ZNF804B: variants seen among roughly 807,000 people sequenced by gnomAD.
ZNF804B encodes zinc finger 804B.
In ZNF804B, 80 loss-of-function variants were observed where a neutral mutation model predicts 101.4. That is an observed-to-expected ratio of 0.79 (90% confidence interval 0.66 to 0.95). The LOEUF (loss-of-function observed/expected upper bound fraction) is 0.95. Among genes scored for constraint, ZNF804B ranks in the 40% least tolerant of loss-of-function variants. The pLI is 0.00. For synonymous variants in ZNF804B, 622 were observed against 558.8 expected (o/e 1.11, Z -1.59); for missense variants, 1,673 against 1,561.9 (o/e 1.07, Z -1.20).
intron 1 of ZNF804B, among the ~76,000 whole-genome samples, chr7:89,046,504 T>A (rs1789109209): frequency 6.6e-6 from 1 of 152,150 alleles, no homozygotes; most frequent in Non-Finnish European, 1.5e-5. Context: ...TTTGATGGAC[T>A]AAATAAAGGC....
At chr7:89,181,794 G>T (rs1055224255) in intron 1 of ZNF804B, among the ~76,000 whole-genome samples, 3 of 152,162 alleles carry the variant, frequency 2.0e-5, no homozygotes, top group African/African-American at 7.2e-5. Context: ...AAGTTCTATT[G>T]ATCGGGTTGC....
rs1487196125 is a variant in ZNF804B at position 89,333,810 on chromosome 7, C to G, written c.828C>G (p.Thr276=). 2 of 1,612,398 alleles carry G rather than the reference C, an allele frequency of 1.2e-6. No homozygotes were observed. The highest frequency in any genetic ancestry group is 1.3e-5 in the African/African-American group (1 of 74,794). The change falls in exon 4 of 4, where the codon ACC becomes ACG. Residue 276 remains threonine (T), a synonymous_variant. Transcript: ENST00000333190. ...CRFANKDTHL[T]KEKEVNISPS... ...TTGCAAATAAAGATACACACCTTAC[C>G]AAGGAAAAAGAGGTAAATATCTCAC... is the stretch of plus-strand genomic sequence containing the variant.
At chr7:89,260,663 T>G in intron 2 of ZNF804B, among the ~76,000 whole-genome samples, 1 of 152,198 alleles carries the variant, frequency 6.6e-6, no homozygotes, top group East Asian at 1.9e-4. Flanking sequence ...AAAAGCTATG[T>G]TTTCAGTAAA....
intron 1 of ZNF804B, among the ~76,000 whole-genome samples, chr7:88,963,861 CAAAG>C (rs1317818272): frequency 1.3e-5 from 2 of 151,180 alleles, no homozygotes; most frequent in Admixed American, 6.6e-5. Context: ...AATAAAATGA[CAAAG>C]GATTGAATAC....
At chr7:89,231,090 T>C (rs756511375) in intron 2 of ZNF804B, among the ~76,000 whole-genome samples, 8 of 152,104 alleles carry the variant, frequency 5.3e-5, no homozygotes, top group Admixed American at 1.3e-4. Context: ...TTTCCTAATA[T>C]AGGTCTATGA....
intron 1 of ZNF804B, among the ~76,000 whole-genome samples, chr7:89,022,196 C>T (rs186043726): frequency 5.9e-5 from 9 of 152,250 alleles, no homozygotes; most frequent in Admixed American, 3.9e-4. Flanking sequence ...CTCTCATCTC[C>T]CCTGCTGCCT....
rs1752822041 is a variant in ZNF804B, at chr7:88,875,540, A to T, written c.108+115456A>T. Among the ~76,000 whole-genome samples, 4 of 152,292 alleles carry T rather than the reference A, an allele frequency of 2.6e-5. No homozygotes were observed. In the South Asian group the frequency reaches 8.3e-4, roughly 32 times the overall value. The stretch of plus-strand genomic sequence containing the variant: ...GAGAATACTACAAACACCTCTACGC[A>T]AATAAACTAGAAAATCTAGAAGAAA... On this transcript the variant is annotated intron_variant, in intron 1 of 3. Transcript: ENST00000333190.
At chr7:88,945,021 T>G (rs367909328) in intron 1 of ZNF804B, among the ~76,000 whole-genome samples, 1 of 152,196 alleles carries the variant, frequency 6.6e-6, no homozygotes, top group African/African-American at 2.4e-5. Flanking sequence ...TGCAAAAATT[T>G]TCTCCCATTC....
At chr7:89,278,014 G>C (rs1790017189) in intron 2 of ZNF804B, among the ~76,000 whole-genome samples, 2 of 152,116 alleles carry the variant, frequency 1.3e-5, no homozygotes. Flanking sequence ...AGCACCTGTT[G>C]TTTCCTGACT....
intron 1 of ZNF804B, among the ~76,000 whole-genome samples, chr7:88,934,120 A>G (rs117946103): frequency 0.029 from 4,473 of 151,846 alleles, 92 homozygotes; most frequent in East Asian, 0.049. Context: ...AGCCAAATAG[A>G]GCCAACTGAT....
chr7:89,318,610 A>C (rs1389188696), intron 2 of ZNF804B, among the ~76,000 whole-genome samples: 1 of 152,182 alleles, frequency 6.6e-6, no homozygotes, highest in Non-Finnish European at 1.5e-5. Context: ...TGAAAATACA[A>C]AAATTAACCG....
chr7:88,966,593 T>C (rs1793458324), intron 1 of ZNF804B, among the ~76,000 whole-genome samples: 1 of 151,590 alleles, frequency 6.6e-6, no homozygotes, highest in South Asian at 2.1e-4. Context: ...TGTTGTAACC[T>C]ATTTGTAGAA....
intron 1 of ZNF804B, among the ~76,000 whole-genome samples, chr7:89,127,801 A>C (rs1190855984): frequency 6.6e-6 from 1 of 151,612 alleles, no homozygotes; most frequent in Non-Finnish European, 1.5e-5. Context: ...GCAAAACAGC[A>C]ATTACTTTTG....
intron 1 of ZNF804B, among the ~76,000 whole-genome samples, chr7:89,181,033 C>T (rs2115581369): frequency 6.6e-6 from 1 of 151,560 alleles, no homozygotes; most frequent in South Asian, 2.1e-4. Flanking sequence ...GCCTGGTACC[C>T]TACTCTACTG....
At chr7:88,836,644 G>A (rs188600386) in intron 1 of ZNF804B, among the ~76,000 whole-genome samples, 45 of 151,982 alleles carry the variant, frequency 3.0e-4, no homozygotes, top group East Asian at 2.3e-3. Flanking sequence ...GCACAAATGA[G>A]TAAATGAATG....
chr7:89,015,459 T>A (rs1473491520), intron 1 of ZNF804B, among the ~76,000 whole-genome samples: 1 of 152,074 alleles, frequency 6.6e-6, no homozygotes, highest in East Asian at 1.9e-4. Context: ...TAGCATTAGG[T>A]ATATCTCTTA....
At chr7:88,850,482 A>T (rs1791436440) in intron 1 of ZNF804B, among the ~76,000 whole-genome samples, 1 of 152,114 alleles carries the variant, frequency 6.6e-6, no homozygotes, top group South Asian at 2.1e-4. Context: ...TGGAAAAAAC[A>T]CCCAAAAGGA....
chr7:88,781,963 C>G (rs1215173735), intron 1 of ZNF804B, among the ~76,000 whole-genome samples: 1 of 152,136 alleles, frequency 6.6e-6, no homozygotes. Flanking sequence ...AAATTGGGAG[C>G]TGAGGTGACT....
chr7:88,864,591 A>T (rs1791697981), intron 1 of ZNF804B, among the ~76,000 whole-genome samples: 2 of 152,156 alleles, frequency 1.3e-5, no homozygotes, highest in African/African-American at 4.8e-5. Flanking sequence ...TTATCTGCTG[A>T]CTTCCTCTTG....
Sources: allele counts gnomAD v4.1 joint callset (sites outside exome capture counted in the v4.1 genomes callset), GRCh38; gene constraint gnomAD v4.1.1; transcripts MANE v1.5; gene names NCBI Gene and HGNC (gene_info 2026-07-23, HGNC 2026-07-21).